PDE1A: variants seen among roughly 807,000 people sequenced by gnomAD.
PDE1A encodes the protein dual specificity calcium/calmodulin-dependent 3',5'-cyclic nucleotide phosphodiesterase 1A.
In PDE1A, 35 loss-of-function variants were observed where a neutral mutation model predicts 61.7. The ratio of observed to expected loss-of-function variants is 0.57; its 90% CI spans 0.43 to 0.75. PDE1A has a LOEUF of 0.75. Among genes scored for constraint, PDE1A ranks in the 30% least tolerant of loss-of-function variants. PDE1A has a pLI of 0.00. For synonymous variants in PDE1A, 232 were observed against 213.2 expected (o/e 1.09, Z -0.77); for missense variants, 597 against 630.6 (o/e 0.95, Z 0.57).
the PDE1A span, among the ~76,000 whole-genome samples, chr2:182,591,316 A>G: frequency 6.6e-6 from 1 of 152,222 alleles, no homozygotes; most frequent in Non-Finnish European, 1.5e-5. Flanking sequence ...ATTAGCAAGC[A>G]GGCACAAAAA....
chr2:182,654,913 C>T, the PDE1A span, among the ~76,000 whole-genome samples: 18 of 152,260 alleles, frequency 1.2e-4, no homozygotes, highest in East Asian at 3.3e-3. Flanking sequence ...TGTATGAACA[C>T]TTGCCACAGG....
intron 1 of PDE1A, among the ~76,000 whole-genome samples, chr2:182,317,557 T>C (rs1171172465): frequency 6.6e-6 from 1 of 152,122 alleles, no homozygotes; most frequent in African/African-American, 2.4e-5. Context: ...AGCAGAGGCA[T>C]ACATAACAAT....
chr2:182,535,124 T>A, the PDE1A span, among the ~76,000 whole-genome samples: 2 of 152,092 alleles, frequency 1.3e-5, no homozygotes, highest in Non-Finnish European at 2.9e-5. Context: ...CCTCTACTAT[T>A]TCATTGCCCC....
chr2:182,210,886 G>T (rs766661525), intron 7 of PDE1A, among the ~76,000 whole-genome samples: 6 of 134,466 alleles, frequency 4.5e-5, no homozygotes, highest in Non-Finnish European at 7.9e-5. Context: ...AATACCTGAG[G>T]CTGGGTAATT....
intron 1 of PDE1A, among the ~76,000 whole-genome samples, chr2:182,414,617 G>A (rs1702808000): frequency 6.6e-6 from 1 of 152,048 alleles, no homozygotes. Context: ...AAGGATGAAA[G>A]AAAAGAGAGG....
At chr2:182,267,449 A>ACACACACACACACGCCTATATT (rs1553561053) in intron 1 of PDE1A, among the ~76,000 whole-genome samples, 1 of 151,668 alleles carries the variant, frequency 6.6e-6, no homozygotes, top group Non-Finnish European at 1.5e-5. Context: ...ACACACACAC[A>ACACACACACACACGCCTATATT]CACACACACG....
intron 1 of PDE1A, among the ~76,000 whole-genome samples, chr2:182,357,258 A>T (rs889278240): frequency 6.6e-6 from 1 of 152,048 alleles, no homozygotes; most frequent in Admixed American, 6.6e-5. Context: ...AGAGAGAGAG[A>T]GAGAGCAAGG....
intron 2 of PDE1A, among the ~76,000 whole-genome samples, chr2:182,497,561 A>T (rs776705595): frequency 6.6e-6 from 1 of 152,200 alleles, no homozygotes. Flanking sequence ...TTCTATTCTT[A>T]ATAAGTAAAA....
At chr2:182,669,925 C>A in the PDE1A span, among the ~76,000 whole-genome samples, 4 of 152,242 alleles carry the variant, frequency 2.6e-5, no homozygotes, top group Non-Finnish European at 2.9e-5. Flanking sequence ...CGGAGCATCC[C>A]ATGGGAACAT....
chr2:182,210,876 A>C (rs1687529055), intron 7 of PDE1A, among the ~76,000 whole-genome samples: 1 of 149,264 alleles, frequency 6.7e-6, no homozygotes, highest in Non-Finnish European at 1.5e-5. Flanking sequence ...GATGTGACAG[A>C]ATACCTGAGG....
At chr2:182,460,404 A>G (rs1014587707) in intron 2 of PDE1A, among the ~76,000 whole-genome samples, 4 of 152,106 alleles carry the variant, frequency 2.6e-5, no homozygotes, top group African/African-American at 9.7e-5. Flanking sequence ...ATTGAAACCC[A>G]TATGTAACAC....
rs530239433 is a variant in PDE1A, at chr2:182,361,235, A to G, written c.53+65343T>C. On this transcript the variant is annotated intron_variant, in intron 1 of 13. Coordinates refer to ENST00000351439, the Ensembl canonical transcript of PDE1A. ...TTAACATGATTATTTTTACATGTGT[A>G]CATAGTACATGTGAAATAATGTTAG... Among the ~76,000 whole-genome samples the G allele has an allele frequency of 5.9e-5, 9 of 152,240 alleles. No individual in the cohort carries two copies. In the East Asian group the frequency reaches 1.7e-3, roughly 29 times the overall value.
chr2:182,220,060 A>C (rs1387646833), intron 7 of PDE1A, among the ~76,000 whole-genome samples: 1 of 152,040 alleles, frequency 6.6e-6, no homozygotes, highest in Non-Finnish European at 1.5e-5. Flanking sequence ...CCTACCAGGC[A>C]CTATTACTTT....
intron 1 of PDE1A, among the ~76,000 whole-genome samples, chr2:182,294,257 G>A (rs760615484): frequency 1.3e-5 from 2 of 152,140 alleles, no homozygotes; most frequent in Non-Finnish European, 2.9e-5. Context: ...ATAAGTAAAC[G>A]TGATAAATGT....
Position 182,230,149 on chromosome 2 carries a change from G to A in PDE1A, c.535-3C>T. 1 of 1,609,598 alleles carries A rather than the reference G, an allele frequency of 6.2e-7. No individual in the cohort carries two copies. Among genetic ancestry groups the A allele is most frequent in the Non-Finnish European group, 8.5e-7 (1 of 1,177,628 alleles). On this transcript the variant is annotated splice_region_variant and splice_polypyrimidine_tract_variant and intron_variant, in intron 5 of 13. Coordinates refer to ENST00000351439, the Ensembl canonical transcript of PDE1A. ...GTGATTAGGCAAGAAACAGGAATCT[G>A]TGGAAAGTAATAATTATAATTATAT...
At chr2:182,627,808 G>C in the PDE1A span, among the ~76,000 whole-genome samples, 1 of 151,826 alleles carries the variant, frequency 6.6e-6, no homozygotes, top group Non-Finnish European at 1.5e-5. Context: ...GCCAGGCGTG[G>C]TGGTGCAATC....
Position 182,410,095 on chromosome 2 carries a change from T to C in PDE1A, c.53+16483A>G, listed in dbSNP as rs13397815. Among the ~76,000 whole-genome samples the C allele has an allele frequency of 9.3e-3, 1,420 of 152,310 alleles. 26 individuals are homozygous for C. The highest frequency in any genetic ancestry group is 0.032 in the African/African-American group (1,330 of 41,564). On this transcript the variant is annotated intron_variant, in intron 1 of 13. Coordinates refer to ENST00000351439, the Ensembl canonical transcript of PDE1A. The stretch of plus-strand genomic sequence containing the variant: ...GGCCAGACATGGTGGCTTATGCTTG[T>C]AATCCCAGCACTTTGGGAGGCTAAG...
chr2:182,213,315 GAAA>G (rs1324683949), intron 7 of PDE1A, among the ~76,000 whole-genome samples: 1 of 113,770 alleles, frequency 8.8e-6, no homozygotes, highest in Non-Finnish European at 1.8e-5. Flanking sequence ...CAAAGATGGG[GAAA>G]AAACAGAACA....
At chr2:182,611,053 A>G in the PDE1A span, among the ~76,000 whole-genome samples, 1 of 152,206 alleles carries the variant, frequency 6.6e-6, no homozygotes. Flanking sequence ...ATATCCAGGT[A>G]AATTCTTTAG....
Sources: gnomAD v4.1 joint callset for allele counts (sites outside exome capture counted in the v4.1 genomes callset) on GRCh38, gnomAD v4.1.1 for gene constraint, MANE v1.5 for transcripts, NCBI Gene and HGNC (gene_info 2026-07-23, HGNC 2026-07-21) for gene names.